Variants in DMPK observed in about 807,000 individuals in gnomAD.
DMPK encodes the protein DM1 protein kinase.
A neutral mutation model predicts 70.3 loss-of-function variants in DMPK; 32 were observed. The observed-to-expected ratio is 0.46, with a 90% CI of 0.34 to 0.61. The LOEUF is 0.61. Among genes scored for constraint, DMPK ranks in the 20% least tolerant of loss-of-function variants. DMPK has a pLI of 0.01. For synonymous variants in DMPK, 469 were observed against 390.9 expected (o/e 1.20, Z -2.36); for missense variants, 899 against 886.0 (o/e 1.01, Z -0.19).
intron 14 of DMPK, 108 bp downstream of exon 14, chr19:45,770,863 C>T (rs1000937485): frequency 1.5e-5 from 15 of 1,024,906 alleles, no homozygotes; most frequent in Non-Finnish European, 2.0e-5. Context: ...CGAAGATCCG[C>T]CCTCCTGCCG....
At chr19:45,774,105 C>T (rs1328209854) in intron 9 of DMPK, among the ~76,000 whole-genome samples, 2 of 151,792 alleles carry the variant, frequency 1.3e-5, no homozygotes, top group Non-Finnish European at 2.9e-5. Flanking sequence ...AGGTATATGC[C>T]ACCACGCCTG....
Position 45,779,441 on chromosome 19 carries a change from C to T in DMPK, c.334G>A (p.Glu112Lys), listed in dbSNP as rs746130533. The T allele has an allele frequency of 2.5e-6, 4 of 1,613,990 alleles. No homozygotes were observed. Among genetic ancestry groups the T allele is most frequent in the Non-Finnish European group, 3.4e-6 (4 of 1,180,016 alleles). The change falls in exon 3 of 15, where the codon GAG becomes AAG. Residue 112 changes from glutamate to lysine, a missense_variant and splice_region_variant. Coordinates refer to ENST00000291270, the MANE Select transcript of DMPK (RefSeq NM_004409.5). ...MNKWDMLKRGEVSCFREERDV... is the reference protein window; with the variant it reads ...MNKWDMLKRGKVSCFREERDV... ...CCCACGTCCGCCCAGCCCCTCACCTCGCCCCTCTTCAGCATGTCCCACTTG... is the reference window on the plus strand; with the variant it reads ...CCCACGTCCGCCCAGCCCCTCACCTTGCCCCTCTTCAGCATGTCCCACTTG...
Position 45,770,417 on chromosome 19 carries a change from G to T in DMPK, c.*71C>A. ...GGTTGTGAACTGGCAGGCGGTGGGC[G>T]CGGCTTCTGTGCCGTGCCCCGGGCA... On this transcript the variant is annotated 3_prime_UTR_variant, in exon 15 of 15. Transcript: ENST00000291270. 6.6e-7 allele frequency: 1 copy of T among 1,515,830 alleles called. No homozygotes were observed. The highest frequency in any genetic ancestry group is 8.9e-7 in the Non-Finnish European group (1 of 1,117,544). 93.9% of individuals were successfully genotyped at this position (1,515,830 alleles called of 1,614,324 possible). A position where few individuals can be genotyped will look rare whatever the true frequency, so the allele number is the denominator to read the frequency against.
At position 45,779,363 on chromosome 19, in the gene DMPK, C is replaced by T; in HGVS notation, c.337-4G>A. 1.9e-6 allele frequency: 3 copies of T among 1,614,090 alleles called. No individual in the cohort carries two copies. The highest frequency in any genetic ancestry group is 3.3e-5 in the Admixed American group (2 of 60,024). On this transcript the variant is annotated splice_polypyrimidine_tract_variant and splice_region_variant and intron_variant, in intron 3 of 14. Transcript: ENST00000291270. ...TCTCCTCACGGAAGCACGACACCTGCAGGGCACCCGGAGGAGCTGCAGCCG... is the reference window on the plus strand; with the variant it reads ...TCTCCTCACGGAAGCACGACACCTGTAGGGCACCCGGAGGAGCTGCAGCCG...
Position 45,777,511 on chromosome 19 carries a change from G to A in DMPK, c.962C>T (p.Pro321Leu), listed in dbSNP as rs756122292. 25 of 1,613,426 alleles carry A rather than the reference G, an allele frequency of 1.5e-5. No homozygotes were observed. The highest frequency in any genetic ancestry group is 8.0e-5 in the African/African-American group (6 of 74,928). Residue 321 changes from proline to leucine, a missense_variant, in exon 8 of 15, where the codon CCG becomes CTG. Transcript: ENST00000291270. The surrounding 1 kb of genome is among the most constrained non-coding windows in gnomAD (Gnocchi z 6.7). The part of the protein sequence containing the change: ...RDFIQRLLCP[P>L]ETRLGRGGAG... Reference sequence around the variant, plus strand: ...TCCACCCCGGCCCAGCCGTGTCTCCGGGGGACACAGCAACCGCTGAATGAA... The same window carrying A: ...TCCACCCCGGCCCAGCCGTGTCTCCAGGGGACACAGCAACCGCTGAATGAA...
At chr19:45,780,413 G>A in intron 1 of DMPK, 2 of 1,382,166 alleles carry the variant, frequency 1.4e-6, no homozygotes, top group African/African-American at 1.4e-5. Context: ...GGAGACAAAG[G>A]TAGCATGGTC....
intron 1 of DMPK, 166 bp from the exon 2 acceptor site, chr19:45,780,035 C>T (rs1970031268): frequency 6.5e-7 from 1 of 1,542,488 alleles, no homozygotes. Flanking sequence ...GTGTAAGGTT[C>T]TGGGGGCCAA....
At position 45,771,051 on chromosome 19, in the gene DMPK, G is replaced by T. The variant is rs990516970; in HGVS notation, c.1657C>A (p.Pro553Thr). The change falls in exon 14 of 15, where the codon CCC becomes ACC. Residue 553 changes from proline (P) to threonine (T), a missense_variant. By Grantham distance (38) the Pro-to-Thr change is conservative. Around this residue, in one of 3 missense-constraint regions of DMPK, gnomAD observed 555 missense variants for 483.8 expected, o/e 1.15. Coordinates refer to ENST00000291270, the MANE Select transcript of DMPK (RefSeq NM_004409.5). Reference protein sequence around the residue: ...ATDPPSHLDGPPAVAVGQCPL... With the variant: ...ATDPPSHLDGTPAVAVGQCPL... Reference sequence around the variant, plus strand: ...CACTGGCCCACAGCCACGGCCGGGGGGCCATCTAGCTGGAGAGAGAAGGGA... The same window carrying T: ...CACTGGCCCACAGCCACGGCCGGGGTGCCATCTAGCTGGAGAGAGAAGGGA... 5.9e-6 allele frequency: 9 copies of T among 1,519,892 alleles called. No homozygotes were observed. Among genetic ancestry groups the T allele is most frequent in the South Asian group, 1.2e-5 (1 of 80,592 alleles). 94.2% of individuals were successfully genotyped at this position (1,519,892 alleles called of 1,614,324 possible).
rs748509070 is a variant in DMPK at position 45,782,209 on chromosome 19, G to C, written c.144C>G (p.Ala48=). The part of the protein sequence containing the change: ...ASELAQDKYV[A]DFLQWAEPIV... ...GGCACTCACCCCACTGCAAGAAGTC[G>C]GCCACGTACTTGTCCTGGGCCAGTT... The change falls in exon 1 of 15, where the codon GCC becomes GCG. Residue 48 remains alanine (A), a synonymous_variant. Coordinates refer to ENST00000291270, the MANE Select transcript of DMPK (RefSeq NM_004409.5). The C allele has an allele frequency of 1.2e-5, 18 of 1,534,326 alleles. No individual in the cohort carries two copies. Among genetic ancestry groups the C allele is most frequent in the Non-Finnish European group, 1.5e-5 (17 of 1,136,670 alleles).
At chr19:45,781,584 G>A (rs1319809478) in intron 1 of DMPK, among the ~76,000 whole-genome samples, 1 of 152,204 alleles carries the variant, frequency 6.6e-6, no homozygotes, top group Non-Finnish European at 1.5e-5. Flanking sequence ...ACACCCAGAA[G>A]AACCCAAAGT....
At position 45,779,245 on chromosome 19, in the gene DMPK, A is replaced by G. The variant is rs572634; in HGVS notation, c.432+19T>C. ...CGGGCTCTTGTCCCTCTTCCTAGTCACCCCGGCCCGGAGCTCACCAGGTAG... is the reference window on the plus strand; with the variant it reads ...CGGGCTCTTGTCCCTCTTCCTAGTCGCCCCGGCCCGGAGCTCACCAGGTAG... On this transcript the variant is annotated intron_variant, in intron 4 of 14. Coordinates refer to ENST00000291270, the MANE Select transcript of DMPK (RefSeq NM_004409.5). 3.7e-6 allele frequency: 6 copies of G among 1,611,842 alleles called. No homozygotes were observed. Among genetic ancestry groups the G allele is most frequent in the Non-Finnish European group, 3.4e-6 (4 of 1,178,784 alleles).
At chr19:45,774,535 T>C (rs529184674) in intron 9 of DMPK, among the ~76,000 whole-genome samples, 93 of 152,334 alleles carry the variant, frequency 6.1e-4, no homozygotes, top group Non-Finnish European at 1.2e-3. Flanking sequence ...GTGCTAGGAT[T>C]ACAGGCGTGA....
At chr19:45,780,204 G>A in intron 1 of DMPK, 1 of 1,469,482 alleles carries the variant, frequency 6.8e-7, no homozygotes, top group Non-Finnish European at 9.0e-7. Context: ...ATAAGACCCA[G>A]TTCTTCCACC....
intron 13 of DMPK, 21 bp downstream of exon 13, chr19:45,771,329 G>A (rs748895029): frequency 1.3e-6 from 2 of 1,583,076 alleles, no homozygotes; most frequent in South Asian, 2.3e-5. Context: ...GTCTGAGGCA[G>A]GGGAAAGAGA....
intron 1 of DMPK, 182 bp from the exon 2 acceptor site, chr19:45,780,051 C>A: frequency 6.5e-7 from 1 of 1,536,512 alleles, no homozygotes; most frequent in Non-Finnish European, 8.8e-7. Flanking sequence ...GCCAAAAATG[C>A]CCTCCCATAG....
intron 9 of DMPK, among the ~76,000 whole-genome samples, chr19:45,773,955 CTTTT>C (rs1015477582): frequency 7.4e-6 from 1 of 135,678 alleles, no homozygotes. Flanking sequence ...TAAATTAGTA[CTTTT>C]TTTTTTTTTT....
Position 45,771,568 on chromosome 19 carries a change from C to T in DMPK, c.1600G>A (p.Ala534Thr). 1 of 1,613,974 alleles carries T rather than the reference C, an allele frequency of 6.2e-7. No homozygotes were observed. Among genetic ancestry groups the T allele is most frequent in the Admixed American group, 1.7e-5 (1 of 60,014 alleles). Residue 534 changes from alanine to threonine, a missense_variant and splice_region_variant, in exon 12 of 15, where the codon GCT becomes ACT. Ala to Thr is a moderately conservative substitution (Grantham distance 58). Around this residue, in one of 3 missense-constraint regions of DMPK, gnomAD observed 555 missense variants for 483.8 expected, o/e 1.15. Transcript: ENST00000291270. Reference protein sequence around the residue: ...MELLQAEGATAVTGVPSPRAT... With the variant: ...MELLQAEGATTVTGVPSPRAT... The stretch of plus-strand genomic sequence containing the variant: ...GGAAGGGGACACATGAGGGACTCAC[C>T]TGTGGCTCCCTCTGCCTGCAGCAAC...
In DMPK at chr19:45,779,249, C is replaced by G. The variant is rs369599562; in HGVS notation, c.432+15G>C. Reference sequence around the variant, plus strand: ...CTCTTGTCCCTCTTCCTAGTCACCCCGGCCCGGAGCTCACCAGGTAGTTCT... The same window carrying G: ...CTCTTGTCCCTCTTCCTAGTCACCCGGGCCCGGAGCTCACCAGGTAGTTCT... On this transcript the variant is annotated intron_variant, in intron 4 of 14. Coordinates refer to ENST00000291270, the MANE Select transcript of DMPK (RefSeq NM_004409.5). The G allele has an allele frequency of 8.1e-6, 13 of 1,612,848 alleles. No homozygotes were observed. Among genetic ancestry groups the G allele is most frequent in the South Asian group, 1.1e-5 (1 of 91,062 alleles).
At chr19:45,782,138 T>G in intron 1 of DMPK, 55 bp downstream of exon 1, 12 of 436,588 alleles carry the variant, frequency 2.7e-5, no homozygotes, top group Non-Finnish European at 4.1e-5. Flanking sequence ...TGCCCAGACC[T>G]GTCTCCTGCC....
Sources: gnomAD v4.1 joint callset for allele counts (sites outside exome capture counted in the v4.1 genomes callset) on GRCh38, gnomAD v4.1.1 for gene constraint, gnomAD v4.1.1 regional missense constraint, Gnocchi (gnomAD v3.1) non-coding constraint, MANE v1.5 for transcripts, NCBI Gene and HGNC (gene_info 2026-07-23, HGNC 2026-07-21) for gene names.